RPRD1B: variants seen among roughly 807,000 people sequenced by gnomAD.
RPRD1B encodes the protein regulation of nuclear pre-mRNA domain containing 1B.
In RPRD1B, 11 loss-of-function variants were observed where a neutral mutation model predicts 41.5. The observed-to-expected ratio is 0.27, with a 90% CI of 0.17 to 0.44. The LOEUF is 0.44. RPRD1B is among the 20% of genes least tolerant of loss of function. RPRD1B has a pLI of 1.00. For synonymous variants in RPRD1B, 158 were observed against 155.6 expected (o/e 1.02, Z -0.12); for missense variants, 248 against 389.9 (o/e 0.64, Z 3.06).
chr20:38,041,708 T>C (rs1346085858), intron 2 of RPRD1B, among the ~76,000 whole-genome samples: 1 of 152,230 alleles, frequency 6.6e-6, no homozygotes, highest in Non-Finnish European at 1.5e-5. Flanking sequence ...TCAGACACTA[T>C]GTGAGTGACC....
intron 6 of RPRD1B, among the ~76,000 whole-genome samples, chr20:38,076,746 G>A (rs1002347935): frequency 6.9e-6 from 1 of 145,246 alleles, no homozygotes; most frequent in Non-Finnish European, 1.5e-5. Context: ...TTTTGGCCCT[G>A]TCTGCAGCAT....
At chr20:38,083,367 T>C (rs373108914) in intron 6 of RPRD1B, among the ~76,000 whole-genome samples, 1 of 152,272 alleles carries the variant, frequency 6.6e-6, no homozygotes, top group South Asian at 2.1e-4. Flanking sequence ...ATCTGTTAAA[T>C]TGAAAATATT....
At chr20:38,069,320 T>G (rs2074388948) in intron 6 of RPRD1B, among the ~76,000 whole-genome samples, 1 of 152,196 alleles carries the variant, frequency 6.6e-6, no homozygotes, top group Admixed American at 6.5e-5. Flanking sequence ...CAGGTGAACA[T>G]AAAACCAAAC....
intron 6 of RPRD1B, among the ~76,000 whole-genome samples, chr20:38,082,409 C>T (rs566186772): frequency 1.6e-4 from 24 of 152,140 alleles, no homozygotes; most frequent in African/African-American, 5.1e-4. Flanking sequence ...GTTTTTGAGA[C>T]GGAGTCTTGC....
chr20:38,084,570 A>G (rs767876415), intron 6 of RPRD1B, among the ~76,000 whole-genome samples: 2 of 152,136 alleles, frequency 1.3e-5, no homozygotes, highest in Non-Finnish European at 2.9e-5. Context: ...CTTATCCCAG[A>G]GCTCATCTGC....
intron 6 of RPRD1B, among the ~76,000 whole-genome samples, chr20:38,073,569 T>G (rs1472207154): frequency 2.0e-5 from 3 of 152,178 alleles, no homozygotes; most frequent in African/African-American, 7.2e-5. Flanking sequence ...GATGGCAGAT[T>G]GTTGTTTTTG....
intron 2 of RPRD1B, among the ~76,000 whole-genome samples, chr20:38,043,889 G>A (rs2074094510): frequency 6.6e-6 from 1 of 152,176 alleles, no homozygotes; most frequent in Non-Finnish European, 1.5e-5. Flanking sequence ...GGTGGCTAGT[G>A]AATATTCCAA....
chr20:38,082,713 A>G (rs190707977), intron 6 of RPRD1B, among the ~76,000 whole-genome samples: 6 of 152,320 alleles, frequency 3.9e-5, no homozygotes, highest in Admixed American at 3.9e-4. Flanking sequence ...GACTTCTGCC[A>G]CAGCCATCTC....
At chr20:38,079,458 T>C (rs769341256) in intron 6 of RPRD1B, among the ~76,000 whole-genome samples, 1 of 152,142 alleles carries the variant, frequency 6.6e-6, no homozygotes, top group Non-Finnish European at 1.5e-5. Context: ...TTTCCCTTCT[T>C]TGAGTTCATG....
At chr20:38,071,499 CAT>C (rs1347559901) in intron 6 of RPRD1B, among the ~76,000 whole-genome samples, 4 of 152,144 alleles carry the variant, frequency 2.6e-5, no homozygotes, top group African/African-American at 9.7e-5. Context: ...TATAAACAGT[CAT>C]GTGGAGGTTT....
At chr20:38,072,025 T>A (rs528620157) in intron 6 of RPRD1B, among the ~76,000 whole-genome samples, 19 of 152,332 alleles carry the variant, frequency 1.2e-4, no homozygotes, top group Middle Eastern at 3.4e-3. Flanking sequence ...TTTTATGAGT[T>A]CCAATTTATC....
At chr20:38,039,515 C>G (rs1430480273) in intron 1 of RPRD1B, among the ~76,000 whole-genome samples, 1 of 152,012 alleles carries the variant, frequency 6.6e-6, no homozygotes, top group Non-Finnish European at 1.5e-5. Flanking sequence ...AGCGATTCTC[C>G]CACCTCAGCC....
At chr20:38,040,057 A>C (rs1277812919) in intron 1 of RPRD1B, among the ~76,000 whole-genome samples, 1 of 152,184 alleles carries the variant, frequency 6.6e-6, no homozygotes, top group Non-Finnish European at 1.5e-5. Flanking sequence ...ATTCTGAAAT[A>C]TTTGATAATT....
intron 6 of RPRD1B, among the ~76,000 whole-genome samples, chr20:38,068,970 A>G (rs2074385190): frequency 6.6e-6 from 1 of 152,206 alleles, no homozygotes; most frequent in Non-Finnish European, 1.5e-5. Flanking sequence ...TCAGAATGCT[A>G]ATTAAATATT....
At chr20:38,049,627 C>T in intron 3 of RPRD1B, 1 of 432,274 alleles carries the variant, frequency 2.3e-6, no homozygotes, top group Non-Finnish European at 4.8e-6. Flanking sequence ...CTCAGCCTCC[C>T]AAAGTGCTGA....
intron 5 of RPRD1B, among the ~76,000 whole-genome samples, chr20:38,062,939 A>G (rs1220927142): frequency 4.0e-5 from 6 of 148,448 alleles, no homozygotes; most frequent in South Asian, 2.1e-4. Flanking sequence ...GACTCAAGCA[A>G]TCCTCCCATC....
At chr20:38,048,547 C>CT in intron 3 of RPRD1B, 66 bp downstream of exon 3, 1 of 1,544,724 alleles carries the variant, frequency 6.5e-7, no homozygotes, top group Non-Finnish European at 8.8e-7. Flanking sequence ...ATATGAAAAG[C>CT]TGCAGTGGGG....
At chr20:38,036,231 A>T (rs1437445569) in intron 1 of RPRD1B, among the ~76,000 whole-genome samples, 1 of 152,190 alleles carries the variant, frequency 6.6e-6, no homozygotes, top group East Asian at 1.9e-4. Context: ...TCCTCATTTT[A>T]TAGATGAGAT....
Position 38,034,013 on chromosome 20 carries a change from C to T in RPRD1B, c.66C>T (p.Ser22=), listed in dbSNP as rs1029192585. The T allele has an allele frequency of 6.2e-7, 1 of 1,614,050 alleles. No individual in the cohort carries two copies. The highest frequency in any genetic ancestry group is 8.5e-7 in the Non-Finnish European group (1 of 1,179,992). The change falls in exon 1 of 7, where the codon AGC becomes AGT. Residue 22 remains serine (S), a synonymous_variant. Coordinates refer to ENST00000373433, the MANE Select transcript of RPRD1B (RefSeq NM_021215.4). The part of the protein sequence containing the change: ...KLSELSNSQQ[S]VQTLSLWLIH... Reference sequence around the variant, plus strand: ...CGGAGCTGAGCAACTCTCAGCAGAGCGTGCAGACCCTGTCCCTTTGGCTCA... The same window carrying T: ...CGGAGCTGAGCAACTCTCAGCAGAGTGTGCAGACCCTGTCCCTTTGGCTCA...
Sources: gnomAD v4.1 joint callset for allele counts (sites outside exome capture counted in the v4.1 genomes callset) on GRCh38, gnomAD v4.1.1 for gene constraint, MANE v1.5 for transcripts, NCBI Gene and HGNC (gene_info 2026-07-23, HGNC 2026-07-21) for gene names.